The following PEX5 variants were observed in gnomAD, a reference collection of about 807,000 sequenced individuals.
PEX5 encodes PTS1 receptor.
A neutral mutation model predicts 82.9 loss-of-function variants in PEX5; 52 were observed. The observed-to-expected ratio is 0.63, with a 90% CI of 0.50 to 0.79. PEX5 has a LOEUF of 0.79. PEX5 is among the 30% of genes least tolerant of loss of function. The probability of loss-of-function intolerance (pLI) is 0.00; values close to 1 mark genes in which losing one functional copy is unlikely to be tolerated. For missense variants in PEX5, 719 were observed against 815.2 expected, an observed-to-expected ratio of 0.88 and a Z score of 1.44; for synonymous variants, 300 against 318.8, an observed-to-expected ratio of 0.94 and a Z score of 0.63.
rs146567534 is a variant in PEX5, at chr12:7,210,117, G to A, written c.1814G>A (p.Ser605Asn). 886 of 1,614,256 alleles carry A rather than the reference G, an allele frequency of 5.5e-4. No individual in the cohort carries two copies. Among genetic ancestry groups the A allele is most frequent in the Non-Finnish European group, 6.4e-4 (751 of 1,180,042 alleles). Reference protein sequence around the residue: ...EGGAMSENIWSTLRLALSMLG... With the variant: ...EGGAMSENIWNTLRLALSMLG... ...GGTGCCATGTCGGAGAACATCTGGA[G>A]CACCCTGCGTTTGGCATTGTCTATG... is the stretch of plus-strand genomic sequence containing the variant. The change falls in exon 16 of 16, where the codon AGC becomes AAC. Residue 605 changes from serine (S) to asparagine (N), a missense_variant. By Grantham distance (46) the Ser-to-Asn change is conservative. Coordinates refer to ENST00000675855, the MANE Select transcript of PEX5 (RefSeq NM_001351132.2).
intron 10 of PEX5, among the ~76,000 whole-genome samples, chr12:7,204,908 C>G (rs1443651895): frequency 6.6e-6 from 1 of 151,548 alleles, no homozygotes; most frequent in East Asian, 1.9e-4. Context: ...GATCAGGTTC[C>G]AAGAATAGAA....
intron 1 of PEX5, chr12:7,190,074 G>C: frequency 6.7e-7 from 1 of 1,498,744 alleles, no homozygotes; most frequent in Non-Finnish European, 8.8e-7. Context: ...CCGGGGTCCA[G>C]GCCCCTTTGT....
downstream of PEX5, among the ~76,000 whole-genome samples, chr12:7,212,464 GAAAAAAAAAAA>G (rs5796271): frequency 1.2e-4 from 12 of 96,276 alleles, no homozygotes; most frequent in African/African-American, 3.6e-4. Flanking sequence ...AAAGCTGCCA[GAAAAAAAAAAA>G]AAAAAAAAAA....
chr12:7,216,698 T>A (rs893079692), intron 17 of PEX5, among the ~76,000 whole-genome samples: 3 of 152,216 alleles, frequency 2.0e-5, no homozygotes, highest in Non-Finnish European at 4.4e-5. Context: ...AAAACAACTT[T>A]TAGAAACTTA....
rs1565728761 is a variant in PEX5, at chr12:7,211,347, A to ATTTTTTTTAATGATCAGAGAGAT, written c.*1132_*1133insAATGATCAGAGAGATTTTTTTTT. 1 of 150,928 alleles carries ATTTTTTTTAATGATCAGAGAGAT rather than the reference A, an allele frequency of 6.6e-6. No individual in the cohort carries two copies. Among genetic ancestry groups the ATTTTTTTTAATGATCAGAGAGAT allele is most frequent in the Non-Finnish European group, 1.5e-5 (1 of 67,656 alleles). The allele number at this position is 150,928 out of a possible 1,614,324, so 9.3% of individuals were successfully genotyped here. ...TCTTTAGTAGCTAATGATCAGAGAG[A>ATTTTTTTTAATGATCAGAGAGAT]TTTTTTTTTTAAACTACCATGGTCC... On this transcript the variant is annotated 3_prime_UTR_variant, in exon 16 of 16. Transcript: ENST00000675855.
At chr12:7,196,398 ATATG>A (rs1942250876) in intron 5 of PEX5, among the ~76,000 whole-genome samples, 1 of 136,760 alleles carries the variant, frequency 7.3e-6, no homozygotes, top group Non-Finnish European at 1.5e-5. Context: ...TGTCATACAT[ATATG>A]TGTCATATAT....
rs1255707479 is a variant in PEX5, at chr12:7,210,420, A to G, written c.*197A>G. On this transcript the variant is annotated 3_prime_UTR_variant, in exon 16 of 16. Coordinates refer to ENST00000675855, the MANE Select transcript of PEX5 (RefSeq NM_001351132.2). ...TAATTGTAGGAAAATGAGCTGTGTC[A>G]TCTCTGAGTCCCTTGGTAATTCAAG... 1.1e-5 allele frequency: 7 copies of G among 640,664 alleles called. No individual in the cohort carries two copies. The highest frequency in any genetic ancestry group is 1.8e-5 in the African/African-American group (1 of 55,730). The allele number at this position is 640,664 out of a possible 1,614,324, so 39.7% of individuals were successfully genotyped here. A position where few individuals can be genotyped will look rare whatever the true frequency, so the allele number is the denominator to read the frequency against.
chr12:7,189,417 C>T (rs1370751971), upstream of PEX5: 1 of 152,802 alleles, frequency 6.5e-6, no homozygotes, highest in Non-Finnish European at 1.5e-5. Flanking sequence ...TCCCCCAGAG[C>T]CTGGGAAGCC....
chr12:7,213,057 G>C (rs993680752), downstream of PEX5, among the ~76,000 whole-genome samples: 7 of 151,964 alleles, frequency 4.6e-5, no homozygotes, highest in South Asian at 2.1e-4. Context: ...CTACAAACCA[G>C]TGCTCAAGGA....
chr12:7,194,743 C>T (rs958554739), intron 5 of PEX5, among the ~76,000 whole-genome samples: 1 of 152,096 alleles, frequency 6.6e-6, no homozygotes, highest in Non-Finnish European at 1.5e-5. Context: ...ATATGATAAT[C>T]GTGAGAGATA....
intron 5 of PEX5, among the ~76,000 whole-genome samples, chr12:7,198,609 A>C (rs917462421): frequency 6.6e-6 from 1 of 152,148 alleles, no homozygotes; most frequent in Non-Finnish European, 1.5e-5. Context: ...GCCTTGGTTA[A>C]GGAACAGGAG....
Position 7,190,881 on chromosome 12 carries a change from C to T in PEX5, c.148-7C>T, listed in dbSNP as rs1295383488. 8 of 1,612,794 alleles carry T rather than the reference C, an allele frequency of 5.0e-6. No individual in the cohort carries two copies. The highest frequency in any genetic ancestry group is 5.1e-6 in the Non-Finnish European group (6 of 1,178,854). ...CGTCATTGTACATCTCTGTCTTTCT[C>T]TCTTAGGCCTCCAAGCCTTTGGGAG... is the stretch of plus-strand genomic sequence containing the variant. On this transcript the variant is annotated splice_region_variant and splice_polypyrimidine_tract_variant and intron_variant, in intron 2 of 15. Transcript: ENST00000675855.
chr12:7,191,781 G>A, intron 5 of PEX5, 81 bp downstream of exon 5: 1 of 1,378,292 alleles, frequency 7.3e-7, no homozygotes, highest in South Asian at 1.2e-5. Flanking sequence ...GTTATAGTGT[G>A]ATTACGATTT....
intron 5 of PEX5, among the ~76,000 whole-genome samples, chr12:7,192,031 C>G (rs552508537): frequency 3.9e-4 from 59 of 152,262 alleles, no homozygotes; most frequent in Non-Finnish European, 7.8e-4. Flanking sequence ...ACTACAGCAC[C>G]TGGGATTCTG....
chr12:7,191,132 T>C, intron 3 of PEX5, 94 bp from the exon 4 acceptor site: 2 of 1,429,266 alleles, frequency 1.4e-6, no homozygotes, highest in South Asian at 2.3e-5. Context: ...TTCCTTTCCT[T>C]GTATCTAACA....
Position 7,202,354 on chromosome 12 carries a change from A to G in PEX5, c.753+3A>G. Reference sequence around the variant, plus strand: ...CAGCAGAGTTTATACAGCAGCAGGTAGGACATTGTCACTTTCCAGTCCCAC... The same window carrying G: ...CAGCAGAGTTTATACAGCAGCAGGTGGGACATTGTCACTTTCCAGTCCCAC... On this transcript the variant is annotated splice_donor_region_variant and intron_variant, in intron 8 of 15. Transcript: ENST00000675855. 6.2e-7 allele frequency: 1 copy of G among 1,614,106 alleles called. No homozygotes were observed. Among genetic ancestry groups the G allele is most frequent in the Non-Finnish European group, 8.5e-7 (1 of 1,180,004 alleles).
At chr12:7,197,305 T>TAATGTAATCATATGTCATATAC (rs1942789612) in intron 5 of PEX5, among the ~76,000 whole-genome samples, 1 of 76,348 alleles carries the variant, frequency 1.3e-5, no homozygotes, top group South Asian at 5.0e-4. Flanking sequence ...ATGTCATATA[T>TAATGTAATCATATGTCATATAC]AATGTAATCA....
chr12:7,201,135 G>GCACA (rs113517645), intron 6 of PEX5, among the ~76,000 whole-genome samples: 33,301 of 121,624 alleles, frequency 0.27, 4,096 homozygotes, highest in South Asian at 0.37. Flanking sequence ...ATGTGTGCGT[G>GCACA]CACACACACA....
chr12:7,200,902 GTAGGGA>G (rs1565699461), intron 6 of PEX5, among the ~76,000 whole-genome samples: 2 of 146,328 alleles, frequency 1.4e-5, no homozygotes, highest in African/African-American at 5.4e-5. Flanking sequence ...GAGAGAGACC[GTAGGGA>G]GAGGGAGAGG....
Sources: gnomAD v4.1 joint callset for allele counts (sites outside exome capture counted in the v4.1 genomes callset) on GRCh38, gnomAD v4.1.1 for gene constraint, MANE v1.5 for transcripts, NCBI Gene and HGNC (gene_info 2026-07-23, HGNC 2026-07-21) for gene names.